Variants in CYB5RL observed in about 807,000 individuals in gnomAD.
CYB5RL encodes cytochrome b5 reductase like.
CYB5RL carries 38 observed loss-of-function variants against 37.5 expected under a neutral mutation model. The observed-to-expected ratio is 1.01, with a 90% CI of 0.78 to 1.33. CYB5RL has a LOEUF of 1.33. Ranked by LOEUF, CYB5RL falls within the 40% of genes most tolerant of loss-of-function variation. The pLI is 0.00. For synonymous variants in CYB5RL, 141 were observed against 151.9 expected (o/e 0.93, Z 0.53); for missense variants, 388 against 394.4 (o/e 0.98, Z 0.14).
chr1:54,181,680 G>T (rs1660164562), intron 6 of CYB5RL, among the ~76,000 whole-genome samples: 1 of 152,206 alleles, frequency 6.6e-6, no homozygotes, highest in African/African-American at 2.4e-5. Context: ...AGCTGGACAC[G>T]GTGGCTTATG....
At chr1:54,180,168 C>A in intron 6 of CYB5RL, 2 of 409,662 alleles carry the variant, frequency 4.9e-6, no homozygotes, top group Non-Finnish European at 9.5e-6. Context: ...GCCTGGGAGG[C>A]AGAGGTTGCA....
intron 7 of CYB5RL, chr1:54,175,604 T>C (rs1311982113): frequency 7.2e-6 from 3 of 417,212 alleles, no homozygotes; most frequent in Non-Finnish European, 9.8e-6. Flanking sequence ...ATACAAATCA[T>C]TAAGTATACA....
chr1:54,188,822 T>C (rs570989178), intron 4 of CYB5RL, among the ~76,000 whole-genome samples: 8 of 152,282 alleles, frequency 5.3e-5, no homozygotes, highest in Non-Finnish European at 1.0e-4. Flanking sequence ...CTCTGAGGTA[T>C]GCAAAGATTA....
Position 54,195,387 on chromosome 1 carries a change from T to C in CYB5RL, c.198+32A>G, listed in dbSNP as rs761656091. On this transcript the variant is annotated intron_variant, in intron 3 of 7. Coordinates refer to ENST00000534324, the MANE Select transcript of CYB5RL (RefSeq NM_001031672.4). ...GGCCAAGGCAAGTAGATTGTTGCCC[T>C]GGTGCTCATATCGAGAAGCAGCCTC... is the stretch of plus-strand genomic sequence containing the variant. 35 of 1,538,058 alleles carry C rather than the reference T, an allele frequency of 2.3e-5. No individual in the cohort carries two copies. The East Asian group carries it at 7.4e-4, about 32-fold the overall frequency.
rs192581455 is a variant in CYB5RL, at chr1:54,184,240, C to G, written c.461G>C (p.Arg154Pro). The G allele has an allele frequency of 3.7e-6, 6 of 1,613,636 alleles. No homozygotes were observed. Among genetic ancestry groups the G allele is most frequent in the Non-Finnish European group, 4.2e-6 (5 of 1,179,754 alleles). ...IKCYQMGLMS[R>P]YVESWRVGDT... ...TCCTACTCTCCAGGACTCAACATAC[C>G]GGGACATCAGCCCCATCTGGTAGCA... is the stretch of plus-strand genomic sequence containing the variant. The change falls in exon 6 of 8, where the codon CGG (arginine) becomes CCG (proline). Residue 154 changes from arginine (R) to proline (P), a missense_variant. Arg to Pro is a moderately radical substitution (Grantham distance 103, BLOSUM62 -2). Coordinates refer to ENST00000534324, the MANE Select transcript of CYB5RL (RefSeq NM_001031672.4).
intron 6 of CYB5RL, among the ~76,000 whole-genome samples, chr1:54,183,693 T>C (rs961567223): frequency 6.6e-6 from 1 of 152,164 alleles, no homozygotes; most frequent in African/African-American, 2.4e-5. Context: ...GTGTCTACTC[T>C]GGCTGGGCGC....
intron 3 of CYB5RL, among the ~76,000 whole-genome samples, chr1:54,194,752 G>T (rs1391823365): frequency 6.6e-6 from 1 of 152,258 alleles, no homozygotes; most frequent in East Asian, 1.9e-4. Context: ...AAAATGGGAA[G>T]ACTGTTCAGA....
chr1:54,179,294 A>G lies in CYB5RL; in HGVS notation c.599T>C (p.Leu200Pro). The G allele has an allele frequency of 6.2e-7, 1 of 1,613,910 alleles. No homozygotes were observed. Among genetic ancestry groups the G allele is most frequent in the Non-Finnish European group, 8.5e-7 (1 of 1,179,846 alleles). Residue 200 changes from leucine to proline, a missense_variant, in exon 7 of 8, where the codon CTG (leucine) becomes CCG (proline). By Grantham distance (98) the Leu-to-Pro change is moderately conservative. Coordinates refer to ENST00000534324, the MANE Select transcript of CYB5RL (RefSeq NM_001031672.4). ...GTGLAPMVPI[L>P]QSITDNENDE... is the part of the protein sequence containing the mutation. ...ATTCTCATTGTCTGTGATGCTCTGC[A>G]GGATAGGCACCATGGGGGCCAGGCC...
intron 4 of CYB5RL, among the ~76,000 whole-genome samples, chr1:54,188,395 A>G (rs1356094400): frequency 2.0e-5 from 3 of 152,150 alleles, no homozygotes; most frequent in African/African-American, 7.2e-5. Flanking sequence ...CTTCCCGACC[A>G]CAGAGTGATA....
In CYB5RL at chr1:54,187,757, GCAGT is replaced by G. The variant is rs1299989308; in HGVS notation, c.348-22_348-19del. The G allele has an allele frequency of 3.1e-6, 5 of 1,607,624 alleles. No individual in the cohort carries two copies. In the South Asian group the frequency reaches 5.5e-5, roughly 18 times the overall value. The stretch of plus-strand genomic sequence containing the variant: ...CTATCCCTCTGAGAAACAGAAGTGT[GCAGT>G]CAGTCAGCCAGTCATTCAGCAAACC... On this transcript the variant is annotated intron_variant, in intron 4 of 7. Transcript: ENST00000534324.
At chr1:54,198,875 C>A (rs986211942) in intron 1 of CYB5RL, among the ~76,000 whole-genome samples, 6 of 152,008 alleles carry the variant, frequency 3.9e-5, no homozygotes, top group African/African-American at 2.4e-5. Flanking sequence ...CCTCAAGTGG[C>A]CCCTCCCACC....
chr1:54,188,670 G>A (rs568037446), intron 4 of CYB5RL, among the ~76,000 whole-genome samples: 6 of 152,286 alleles, frequency 3.9e-5, no homozygotes, highest in Admixed American at 3.3e-4. Context: ...CCAGTGCTTA[G>A]AGAAGGGAAG....
chr1:54,187,776 T>A lies in CYB5RL; in HGVS notation c.348-37A>T, dbSNP rs774587124. The A allele has an allele frequency of 2.5e-6, 4 of 1,588,170 alleles. No homozygotes were observed. In the African/African-American group the frequency reaches 5.4e-5, roughly 21 times the overall value. ...AAGTGTGCAGTCAGTCAGCCAGTCA[T>A]TCAGCAAACCCTTTTAAGGCTGGGC... is the stretch of plus-strand genomic sequence containing the variant. On this transcript the variant is annotated intron_variant, in intron 4 of 7. Coordinates refer to ENST00000534324, the MANE Select transcript of CYB5RL (RefSeq NM_001031672.4).
chr1:54,171,541 C>A lies in CYB5RL; in HGVS notation c.*3078G>T, dbSNP rs376223318. The stretch of plus-strand genomic sequence containing the variant: ...ACTAAAGCCAATGCCGCTTCTGCGA[C>A]CAAGAATCTGTCCTCAGGCCCTCTA... On this transcript the variant is annotated 3_prime_UTR_variant, in exon 8 of 8. Transcript: ENST00000534324. 2 of 414,526 alleles carry A rather than the reference C, an allele frequency of 4.8e-6. No individual in the cohort carries two copies. Among genetic ancestry groups the A allele is most frequent in the East Asian group, 7.2e-5 (1 of 13,960 alleles). 25.7% of individuals were successfully genotyped at this position (414,526 alleles called of 1,614,324 possible). A position where few individuals can be genotyped will look rare whatever the true frequency, so the allele number is the denominator to read the frequency against.
intron 7 of CYB5RL, among the ~76,000 whole-genome samples, chr1:54,177,218 G>C (rs766340745): frequency 3.9e-5 from 6 of 152,126 alleles, no homozygotes; most frequent in Admixed American, 6.5e-5. Context: ...AGCAGGGAGT[G>C]GCTGGTACGG....
rs775981930 is a variant in CYB5RL, at chr1:54,187,649, C to T, written c.435+3G>A. On this transcript the variant is annotated splice_donor_region_variant and intron_variant, in intron 5 of 7. Transcript: ENST00000534324. The stretch of plus-strand genomic sequence containing the variant: ...CTTGGAGCATCCTCAAGGGTCAACT[C>T]ACCTTAATTAACACTTCAAAGTATC... 1 of 1,613,890 alleles carries T rather than the reference C, an allele frequency of 6.2e-7. No individual in the cohort carries two copies. The highest frequency in any genetic ancestry group is 8.5e-7 in the Non-Finnish European group (1 of 1,179,788).
At chr1:54,194,356 G>C (rs1426822155) in intron 3 of CYB5RL, among the ~76,000 whole-genome samples, 1 of 150,788 alleles carries the variant, frequency 6.6e-6, no homozygotes, top group Non-Finnish European at 1.5e-5. Context: ...GGCAACAAGA[G>C]CAAAACTCCA....
chr1:54,171,347 C>T lies in CYB5RL; in HGVS notation c.*3272G>A, dbSNP rs1659887197. 2.2e-6 allele frequency: 1 copy of T among 456,222 alleles called. No individual in the cohort carries two copies. Among genetic ancestry groups the T allele is most frequent in the Admixed American group, 2.4e-5 (1 of 42,542 alleles). The allele number at this position is 456,222 out of a possible 1,614,324, so 28.3% of individuals were successfully genotyped here. Reference sequence around the variant, plus strand: ...GTGGCAGAGCAGAGAGGCCCTACCCCAAGGCCACAGGGAGACAGGGAAGGA... The same window carrying T: ...GTGGCAGAGCAGAGAGGCCCTACCCTAAGGCCACAGGGAGACAGGGAAGGA... On this transcript the variant is annotated 3_prime_UTR_variant, in exon 8 of 8. Coordinates refer to ENST00000534324, the MANE Select transcript of CYB5RL (RefSeq NM_001031672.4).
At chr1:54,193,245 G>A (rs1051950793) in intron 3 of CYB5RL, among the ~76,000 whole-genome samples, 3 of 152,192 alleles carry the variant, frequency 2.0e-5, no homozygotes, top group Admixed American at 2.0e-4. Flanking sequence ...AACTACTCAA[G>A]GTGCTGAGGA....
Sources: gnomAD v4.1 joint callset for allele counts (sites outside exome capture counted in the v4.1 genomes callset) on GRCh38, gnomAD v4.1.1 for gene constraint, MANE v1.5 for transcripts, NCBI Gene and HGNC (gene_info 2026-07-23, HGNC 2026-07-21) for gene names.